RBMS2: variants seen among roughly 807,000 people sequenced by gnomAD.
RBMS2 encodes the protein RNA-binding motif, single-stranded-interacting protein 2.
Under a neutral mutation model 58.4 loss-of-function variants are expected in RBMS2, and 38 were observed. The observed-to-expected ratio is 0.65, with a 90% CI of 0.50 to 0.85. The LOEUF is 0.85. RBMS2 is among the 40% of genes least tolerant of loss of function. RBMS2 has a pLI of 0.00. For missense variants in RBMS2, 367 were observed against 503.7 expected, an observed-to-expected ratio of 0.73 and a Z score of 2.60; for synonymous variants, 151 against 180.7, an observed-to-expected ratio of 0.84 and a Z score of 1.32.
intron 1 of RBMS2, among the ~76,000 whole-genome samples, chr12:56,523,017 G>A (rs1872014284): frequency 1.3e-5 from 2 of 152,184 alleles, no homozygotes; most frequent in South Asian, 4.1e-4. Flanking sequence ...ATGTTGGAGG[G>A]TGAGGAACGA....
intron 1 of RBMS2, among the ~76,000 whole-genome samples, chr12:56,552,204 T>G (rs1878392137): frequency 6.6e-6 from 1 of 152,238 alleles, no homozygotes; most frequent in East Asian, 1.9e-4. Context: ...AGTATTTCAC[T>G]GATTTTTTTG....
rs1881840753 is a variant in RBMS2 at position 56,568,965 on chromosome 12, T to C, written c.234-10T>C. 1.2e-6 allele frequency: 2 copies of C among 1,605,622 alleles called. No homozygotes were observed. Among genetic ancestry groups the C allele is most frequent in the Non-Finnish European group, 1.7e-6 (2 of 1,172,462 alleles). ...CCCAGATTATTACTTTGCATTTTCC[T>C]CTCCCTTAGATATGGCAAGATTGTT... is the stretch of plus-strand genomic sequence containing the variant. On this transcript the variant is annotated splice_polypyrimidine_tract_variant and intron_variant, in intron 2 of 13. Coordinates refer to ENST00000262031, the MANE Select transcript of RBMS2 (RefSeq NM_002898.4).
At chr12:56,573,589 G>A (rs1222456541) in intron 5 of RBMS2, among the ~76,000 whole-genome samples, 1 of 151,886 alleles carries the variant, frequency 6.6e-6, no homozygotes, top group Non-Finnish European at 1.5e-5. Flanking sequence ...TATATCTAAA[G>A]GAGAGTTCCT....
At chr12:56,521,502 G>GTTTTTTTTTTTTTTTTTT (rs68129205), upstream of RBMS2, among the ~76,000 whole-genome samples, 16 of 73,158 alleles carry the variant, frequency 2.2e-4, 1 homozygote, top group East Asian at 4.3e-4. Context: ...CTCTAACTCT[G>GTTTTTTTTTTTTTTTTTT]TTTTTTTTTT....
At chr12:56,559,280 G>A (rs1444200290) in intron 1 of RBMS2, among the ~76,000 whole-genome samples, 1 of 151,700 alleles carries the variant, frequency 6.6e-6, no homozygotes, top group Non-Finnish European at 1.5e-5. Context: ...TGCCTCCTGG[G>A]TTCACGCCAT....
At position 56,588,981 on chromosome 12, in the gene RBMS2, A is replaced by T. The variant is rs1885068107; in HGVS notation, c.1193A>T (p.His398Leu). ...NQVAVDAPSE[H>L]GVYSFQFNK ...GTGGCAGTGGACGCACCCTCAGAGC[A>T]TGGGGTCTATTCTTTCCAGTTCAAC... The change falls in exon 13 of 14, where the codon CAT (histidine) becomes CTT (leucine). Residue 398 changes from histidine (H) to leucine (L), a missense_variant. This residue lies in a region of RBMS2 where 220 missense variants were observed against 261.1 expected (regional missense o/e 0.84). Coordinates refer to ENST00000262031, the MANE Select transcript of RBMS2 (RefSeq NM_002898.4). The T allele has an allele frequency of 6.2e-7, 1 of 1,614,174 alleles. No individual in the cohort carries two copies. The highest frequency in any genetic ancestry group is 8.5e-7 in the Non-Finnish European group (1 of 1,180,030).
intron 5 of RBMS2, among the ~76,000 whole-genome samples, chr12:56,579,817 T>C (rs1198098273): frequency 6.6e-6 from 1 of 151,584 alleles, no homozygotes; most frequent in Non-Finnish European, 1.5e-5. Flanking sequence ...GTAGAACACA[T>C]TTATATACAT....
rs1055825720 is a variant in RBMS2 at position 56,589,320 on chromosome 12, C to G, written c.*187C>G. ...GAAATCTCTACGTTCCTGCCCTTTA[C>G]TATTGCTGATGGAGCCTGGGGGAAC... is the stretch of plus-strand genomic sequence containing the variant. On this transcript the variant is annotated 3_prime_UTR_variant, in exon 14 of 14. Coordinates refer to ENST00000262031, the MANE Select transcript of RBMS2 (RefSeq NM_002898.4). 7.6e-7 allele frequency: 1 copy of G among 1,312,612 alleles called. No individual in the cohort carries two copies. The highest frequency in any genetic ancestry group is 9.9e-7 in the Non-Finnish European group (1 of 1,012,992). 81.3% of individuals were successfully genotyped at this position (1,312,612 alleles called of 1,614,324 possible).
intron 5 of RBMS2, among the ~76,000 whole-genome samples, chr12:56,572,298 A>C (rs1004235866): frequency 2.6e-5 from 4 of 151,572 alleles, no homozygotes; most frequent in African/African-American, 9.7e-5. Context: ...CAAAAAAAAA[A>C]AAAAAAAAAA....
At chr12:56,549,632 G>A (rs1877870624) in intron 1 of RBMS2, among the ~76,000 whole-genome samples, 1 of 152,112 alleles carries the variant, frequency 6.6e-6, no homozygotes, top group Non-Finnish European at 1.5e-5. Context: ...TCAGATTAAT[G>A]AATGTTCTGG....
chr12:56,538,252 C>T (rs970209796), intron 1 of RBMS2, among the ~76,000 whole-genome samples: 1 of 151,120 alleles, frequency 6.6e-6, no homozygotes. Context: ...AGGCTGGTGT[C>T]GAACTCCTGG....
chr12:56,558,311 G>A (rs1879670749), intron 1 of RBMS2, among the ~76,000 whole-genome samples: 1 of 150,158 alleles, frequency 6.7e-6, no homozygotes, highest in African/African-American at 2.4e-5. Context: ...CTCCCAAAGT[G>A]CTGGGATTAC....
At chr12:56,541,032 T>G (rs910025663) in intron 1 of RBMS2, among the ~76,000 whole-genome samples, 3 of 150,140 alleles carry the variant, frequency 2.0e-5, no homozygotes, top group Non-Finnish European at 3.0e-5. Context: ...GCCCAGGAAT[T>G]TGGGGCTACA....
intron 5 of RBMS2, among the ~76,000 whole-genome samples, chr12:56,576,289 A>T (rs535588305): frequency 6.6e-6 from 1 of 152,258 alleles, no homozygotes; most frequent in East Asian, 1.9e-4. Context: ...GTGAGCCAAG[A>T]TCACACCACT....
At chr12:56,573,575 C>T (rs1183276274) in intron 5 of RBMS2, among the ~76,000 whole-genome samples, 3 of 151,680 alleles carry the variant, frequency 2.0e-5, no homozygotes, top group Non-Finnish European at 4.4e-5. Flanking sequence ...CTGGCAATCC[C>T]GTGTATATCT....
At chr12:56,558,523 G>A (rs1879726792) in intron 1 of RBMS2, among the ~76,000 whole-genome samples, 1 of 147,280 alleles carries the variant, frequency 6.8e-6, no homozygotes, top group Admixed American at 6.8e-5. Flanking sequence ...TGCTACTAAA[G>A]TTGCTTTCTT....
intron 1 of RBMS2, among the ~76,000 whole-genome samples, chr12:56,550,937 C>T: frequency 6.6e-6 from 1 of 151,268 alleles, no homozygotes; most frequent in East Asian, 1.9e-4. Context: ...AGTTCAAGAC[C>T]AGCCTAAACA....
At chr12:56,536,772 C>T (rs917759434) in intron 1 of RBMS2, among the ~76,000 whole-genome samples, 5 of 151,568 alleles carry the variant, frequency 3.3e-5, no homozygotes, top group South Asian at 4.2e-4. Context: ...TTTCACCATG[C>T]TGGCCAGGCT....
intron 5 of RBMS2, among the ~76,000 whole-genome samples, chr12:56,578,821 C>T (rs1394874276): frequency 6.6e-6 from 1 of 152,036 alleles, no homozygotes. Flanking sequence ...AGCAATTAGC[C>T]AGGCGTGGTG....
Sources: allele counts gnomAD v4.1 joint callset (sites outside exome capture counted in the v4.1 genomes callset), GRCh38; gene constraint gnomAD v4.1.1; regional missense constraint gnomAD v4.1.1; transcripts MANE v1.5; gene names NCBI Gene and HGNC (gene_info 2026-07-23, HGNC 2026-07-21).